Variants in RASEF observed in about 807,000 individuals in gnomAD.
The protein encoded by RASEF is RAS and EF-hand domain containing.
RASEF carries 68 observed loss-of-function variants against 90.1 expected under a neutral mutation model. The ratio of observed to expected loss-of-function variants is 0.75; its 90% CI spans 0.62 to 0.92. The LOEUF (loss-of-function observed/expected upper bound fraction) is 0.92. Among genes scored for constraint, RASEF ranks in the 40% least tolerant of loss-of-function variants. The pLI, the probability that RASEF is intolerant of heterozygous loss-of-function variation, is 0.00. For missense variants in RASEF, 949 were observed against 937.2 expected (o/e 1.01, Z -0.16); for synonymous variants, 331 against 345.2 (o/e 0.96, Z 0.46).
At chr9:82,996,268 T>C (rs187286246) in intron 14 of RASEF, among the ~76,000 whole-genome samples, 10 of 152,362 alleles carry the variant, frequency 6.6e-5, no homozygotes, top group African/African-American at 2.2e-4. Context: ...GTTGTATTAA[T>C]ATACTTAGTT....
chr9:83,190,870 T>C, the RASEF span, among the ~76,000 whole-genome samples: 3 of 152,210 alleles, frequency 2.0e-5, no homozygotes, highest in Non-Finnish European at 2.9e-5. Context: ...CCATCTACCA[T>C]GTCCCATGCC....
chr9:83,196,059 G>A, the RASEF span, among the ~76,000 whole-genome samples: 1 of 152,094 alleles, frequency 6.6e-6, no homozygotes, highest in Non-Finnish European at 1.5e-5. Flanking sequence ...ATTACTTCAA[G>A]GTGTTTCGCC....
chr9:83,037,277 G>A (rs957412320), intron 1 of RASEF, among the ~76,000 whole-genome samples: 3 of 151,890 alleles, frequency 2.0e-5, no homozygotes, highest in African/African-American at 7.3e-5. Context: ...AAAGGTAAAT[G>A]AGGCTAGTTT....
the RASEF span, among the ~76,000 whole-genome samples, chr9:83,194,654 TG>T: frequency 0.058 from 8,837 of 152,288 alleles, 325 homozygotes; most frequent in South Asian, 0.14. Context: ...ATAAAATATT[TG>T]GGATTCTTCT....
rs193218750 is a variant in RASEF, at chr9:83,056,248, A to T, written c.431+6189T>A. The stretch of plus-strand genomic sequence containing the variant: ...CTTGTTTGTTTGACAAAATAATTCT[A>T]AAGAAATCCTATGTGTCATAGATAA... On this transcript the variant is annotated intron_variant, in intron 1 of 16. Coordinates refer to ENST00000376447, the MANE Select transcript of RASEF (RefSeq NM_152573.4). 1.2e-4 allele frequency among the ~76,000 whole-genome samples: 18 copies of T among 152,332 alleles called. No individual in the cohort carries two copies. In the East Asian group the frequency reaches 3.3e-3, roughly 28 times the overall value.
chr9:83,035,897 G>A (rs956216839), intron 1 of RASEF, among the ~76,000 whole-genome samples: 3 of 152,166 alleles, frequency 2.0e-5, no homozygotes, highest in Non-Finnish European at 4.4e-5. Context: ...CATCTAACTA[G>A]AATTTCCCTT....
At chr9:83,201,474 C>T in the RASEF span, among the ~76,000 whole-genome samples, 1 of 152,168 alleles carries the variant, frequency 6.6e-6, no homozygotes. Flanking sequence ...TAAGTGGATT[C>T]TGGAGGCAAC....
At chr9:83,154,735 CT>C in the RASEF span, among the ~76,000 whole-genome samples, 2 of 152,194 alleles carry the variant, frequency 1.3e-5, no homozygotes, top group Admixed American at 1.3e-4. Context: ...CTTTTTCTGT[CT>C]TTGCATTGGC....
intron 9 of RASEF, 104 bp from the exon 10 acceptor site, chr9:83,001,234 T>C (rs1286468800): frequency 6.6e-6 from 5 of 755,542 alleles, no homozygotes; most frequent in Non-Finnish European, 1.1e-5. Context: ...AGGCCGACTG[T>C]GGCTAAGAGC....
At chr9:83,055,208 G>T in intron 1 of RASEF, 2 of 229,438 alleles carry the variant, frequency 8.7e-6, no homozygotes, top group Non-Finnish European at 1.7e-5. Context: ...TTCCGTGGGC[G>T]TAGGACCCTC....
chr9:83,016,786 T>A (rs762908092), intron 3 of RASEF, among the ~76,000 whole-genome samples: 2 of 152,162 alleles, frequency 1.3e-5, no homozygotes, highest in Non-Finnish European at 2.9e-5. Context: ...CTCTGCAGCA[T>A]GCTCCCACAT....
upstream of RASEF, among the ~76,000 whole-genome samples, chr9:83,065,503 A>G (rs1995423): frequency 0.62 from 94,650 of 152,090 alleles, 30,321 homozygotes; most frequent in East Asian, 0.78. Flanking sequence ...GCTTTAGCTT[A>G]TGTCATATTT....
the RASEF span, among the ~76,000 whole-genome samples, chr9:83,099,688 A>G: frequency 6.6e-6 from 1 of 152,222 alleles, no homozygotes; most frequent in African/African-American, 2.4e-5. Flanking sequence ...CTCAGCACAC[A>G]TTTATGAAGC....
the RASEF span, among the ~76,000 whole-genome samples, chr9:83,178,434 C>G: frequency 1.3e-5 from 2 of 152,162 alleles, no homozygotes; most frequent in East Asian, 3.9e-4. Flanking sequence ...TCTACCTACT[C>G]TTAAGTACTG....
At chr9:83,037,071 G>A (rs1829754961) in intron 1 of RASEF, among the ~76,000 whole-genome samples, 1 of 152,088 alleles carries the variant, frequency 6.6e-6, no homozygotes, top group Middle Eastern at 3.2e-3. Flanking sequence ...ATATTCTTCA[G>A]AGTCTACAAT....
At chr9:83,114,509 G>T in the RASEF span, among the ~76,000 whole-genome samples, 1 of 152,348 alleles carries the variant, frequency 6.6e-6, no homozygotes, top group East Asian at 1.9e-4. Flanking sequence ...GACTGCTGGT[G>T]AGCTGGGCGG....
upstream of RASEF, among the ~76,000 whole-genome samples, chr9:83,067,127 G>A (rs533652069): frequency 6.6e-6 from 1 of 152,282 alleles, no homozygotes; most frequent in South Asian, 2.1e-4. Context: ...CTTCAGGTAC[G>A]AGAGTGCTTC....
At chr9:83,147,026 G>GTATATATATA in the RASEF span, among the ~76,000 whole-genome samples, 8,181 of 116,160 alleles carry the variant, frequency 0.07, 280 homozygotes, top group East Asian at 0.12. Context: ...GTGTGTGTGT[G>GTATATATATA]TGTATATATA....
intron 5 of RASEF, 22 bp from the exon 6 acceptor site, chr9:83,009,778 G>A (rs765656090): frequency 2.1e-6 from 3 of 1,461,554 alleles, no homozygotes; most frequent in Admixed American, 1.7e-5. Context: ...GAAAAGTGGG[G>A]GTCATTAGAT....
Sources: gnomAD v4.1 joint callset for allele counts (sites outside exome capture counted in the v4.1 genomes callset) on GRCh38, gnomAD v4.1.1 for gene constraint, MANE v1.5 for transcripts, NCBI Gene and HGNC (gene_info 2026-07-23, HGNC 2026-07-21) for gene names.